The following RBFOX1 variants were observed in gnomAD, a reference collection of about 807,000 sequenced individuals.
RBFOX1 encodes the protein RNA binding protein fox-1 homolog 1.
RBFOX1 carries 8 observed loss-of-function variants against 57.7 expected under a neutral mutation model. That is an observed-to-expected ratio of 0.14 (90% CI 0.08 to 0.25). The LOEUF is 0.25. Among genes scored for constraint, RBFOX1 ranks in the 10% least tolerant of loss-of-function variants. The pLI is 1.00. For synonymous variants in RBFOX1, 326 were observed against 222.4 expected, an observed-to-expected ratio of 1.47 and a Z score of -4.15; for missense variants, 611 against 548.5, an observed-to-expected ratio of 1.11 and a Z score of -1.14.
intron 4 of RBFOX1, among the ~76,000 whole-genome samples, chr16:7,098,736 G>T (rs2062125203): frequency 1.3e-5 from 2 of 152,188 alleles, no homozygotes; most frequent in African/African-American, 4.8e-5. Flanking sequence ...GATCATTTGA[G>T]CTCAGGAGTT....
intron 4 of RBFOX1, among the ~76,000 whole-genome samples, chr16:6,002,266 C>A (rs532359128): frequency 6.6e-6 from 1 of 152,174 alleles, no homozygotes; most frequent in Non-Finnish European, 1.5e-5. Flanking sequence ...CATGAGCGAC[C>A]GCTCGTGGCT....
At chr16:6,292,101 A>G (rs1163742184) in intron 1 of RBFOX1, among the ~76,000 whole-genome samples, 2 of 152,162 alleles carry the variant, frequency 1.3e-5, no homozygotes, top group Non-Finnish European at 2.9e-5. Context: ...TGTAATTGAT[A>G]AAGAAACTAG....
chr16:7,034,314 G>C (rs1295570255), intron 3 of RBFOX1, among the ~76,000 whole-genome samples: 12 of 152,182 alleles, frequency 7.9e-5, no homozygotes, highest in African/African-American at 1.2e-4. Context: ...AGTCACTGTA[G>C]GATGAAGGCA....
At chr16:6,923,193 A>G (rs2074864918) in intron 3 of RBFOX1, among the ~76,000 whole-genome samples, 1 of 152,170 alleles carries the variant, frequency 6.6e-6, no homozygotes, top group Non-Finnish European at 1.5e-5. Context: ...CCTGGTCTTC[A>G]GTTGCCTGCC....
At chr16:7,062,561 T>G (rs1028890959) in intron 4 of RBFOX1, among the ~76,000 whole-genome samples, 12 of 152,248 alleles carry the variant, frequency 7.9e-5, no homozygotes, top group African/African-American at 2.9e-4. Context: ...TGGGTTAAAT[T>G]TCCTCTTTCA....
At chr16:7,309,578 C>A (rs145351800) in intron 4 of RBFOX1, among the ~76,000 whole-genome samples, 2 of 152,144 alleles carry the variant, frequency 1.3e-5, no homozygotes, top group Non-Finnish European at 2.9e-5. Flanking sequence ...TTACAGCTGA[C>A]CCTTGAGTAA....
At chr16:5,993,691 C>T (rs1013696692) in intron 4 of RBFOX1, among the ~76,000 whole-genome samples, 2 of 152,068 alleles carry the variant, frequency 1.3e-5, no homozygotes, top group African/African-American at 2.4e-5. Context: ...TGAGTTGTGT[C>T]GCTGCATTAA....
rs1233401987 is a variant in RBFOX1 at position 7,361,380 on chromosome 16, A to T, written c.28-156767A>T. Among the ~76,000 whole-genome samples the T allele has an allele frequency of 3.3e-5, 5 of 152,320 alleles. No homozygotes were observed. In the South Asian group the frequency reaches 8.3e-4, roughly 25 times the overall value. On this transcript the variant is annotated intron_variant, in intron 4 of 15. Coordinates refer to ENST00000550418, the MANE Select transcript of RBFOX1 (RefSeq NM_018723.4). The stretch of plus-strand genomic sequence containing the variant: ...AAGCAGATGTTTGCTCTTGGGGAAG[A>T]TTAAAACCATTTTGCATCAAAGAAC...
intron 1 of RBFOX1, among the ~76,000 whole-genome samples, chr16:5,398,040 T>C (rs1385455000): frequency 1.3e-5 from 2 of 151,182 alleles, no homozygotes; most frequent in African/African-American, 2.5e-5. Context: ...TGAATTGTGG[T>C]TGGTGCTGCA....
chr16:6,593,774 C>G (rs1369938338), intron 2 of RBFOX1, among the ~76,000 whole-genome samples: 1 of 152,122 alleles, frequency 6.6e-6, no homozygotes. Context: ...AACTGGAGAG[C>G]AGAAAGGCAG....
chr16:6,449,058 C>G (rs1044052731), intron 2 of RBFOX1, among the ~76,000 whole-genome samples: 2 of 152,096 alleles, frequency 1.3e-5, no homozygotes, highest in African/African-American at 2.4e-5. Context: ...TCCTATATTT[C>G]TGCCATTGTA....
chr16:6,815,165 G>A (rs1431728923), intron 3 of RBFOX1, among the ~76,000 whole-genome samples: 2 of 152,150 alleles, frequency 1.3e-5, no homozygotes, highest in Non-Finnish European at 2.9e-5. Context: ...TCATGGCGCT[G>A]GTGAGAGTGC....
intron 1 of RBFOX1, among the ~76,000 whole-genome samples, chr16:5,412,845 G>A (rs972346223): frequency 6.6e-6 from 1 of 152,222 alleles, no homozygotes; most frequent in Non-Finnish European, 1.5e-5. Context: ...TTTTGGGAAG[G>A]ATCCAGGAGT....
intron 3 of RBFOX1, among the ~76,000 whole-genome samples, chr16:6,844,408 C>T (rs1279245174): frequency 6.6e-6 from 1 of 152,150 alleles, no homozygotes; most frequent in Non-Finnish European, 1.5e-5. Flanking sequence ...CATGTGTTCT[C>T]ATCATTCACC....
chr16:6,569,926 C>G (rs576913996), intron 2 of RBFOX1, among the ~76,000 whole-genome samples: 1 of 152,204 alleles, frequency 6.6e-6, no homozygotes, highest in East Asian at 1.9e-4. Context: ...GTACAATTCA[C>G]TTGTCCTCAA....
intron 2 of RBFOX1, among the ~76,000 whole-genome samples, chr16:5,470,134 C>T (rs764374757): frequency 1.3e-5 from 2 of 152,194 alleles, no homozygotes; most frequent in Non-Finnish European, 2.9e-5. Context: ...CCAGAGCTCC[C>T]AGAGTGAGGA....
At chr16:6,689,329 G>C (rs757547808) in intron 3 of RBFOX1, among the ~76,000 whole-genome samples, 4 of 152,052 alleles carry the variant, frequency 2.6e-5, no homozygotes, top group African/African-American at 4.8e-5. Flanking sequence ...GAAATATAAG[G>C]AAGGTATTTC....
At chr16:6,785,562 T>G (rs571112220) in intron 3 of RBFOX1, among the ~76,000 whole-genome samples, 15 of 152,192 alleles carry the variant, frequency 9.9e-5, no homozygotes, top group Non-Finnish European at 2.2e-4. Context: ...AAATAAAAAC[T>G]TCAACATGTG....
In RBFOX1 at chr16:6,741,644, G is replaced by T. The variant is rs544706517; in HGVS notation, c.-16+86994G>T. On this transcript the variant is annotated intron_variant, in intron 3 of 15. Coordinates refer to ENST00000550418, the MANE Select transcript of RBFOX1 (RefSeq NM_018723.4). ...AGATCATGCCACTGCACTCCAGCCT[G>T]GGCGACAGAGCCAGACTCAGTCTCA... Among the ~76,000 whole-genome samples, 52 of 151,470 alleles carry T rather than the reference G, an allele frequency of 3.4e-4. 1 individual carries two copies. In the South Asian group the frequency reaches 0.011, roughly 32 times the overall value.
Sources: gnomAD v4.1 joint callset for allele counts (sites outside exome capture counted in the v4.1 genomes callset) on GRCh38, gnomAD v4.1.1 for gene constraint, MANE v1.5 for transcripts, NCBI Gene and HGNC (gene_info 2026-07-23, HGNC 2026-07-21) for gene names.